LUC7L2: variants seen among roughly 807,000 people sequenced by gnomAD.
LUC7L2 encodes putative RNA-binding protein Luc7-like 2.
In LUC7L2, 25 loss-of-function variants were observed where a neutral mutation model predicts 52.8. The ratio of observed to expected loss-of-function variants is 0.47; its 90% CI spans 0.34 to 0.66. LUC7L2 has a LOEUF of 0.66. Among genes scored for constraint, LUC7L2 ranks in the 30% least tolerant of loss-of-function variants. The pLI is 0.01. For missense variants in LUC7L2, 328 were observed against 497.8 expected (o/e 0.66, Z 3.25); for synonymous variants, 144 against 160.9 (o/e 0.89, Z 0.80).
chr7:139,356,210 T>A (rs1285628622), upstream of LUC7L2, among the ~76,000 whole-genome samples: 2 of 149,150 alleles, frequency 1.3e-5, no homozygotes, highest in African/African-American at 4.9e-5. Flanking sequence ...CTTGAGAGGC[T>A]GAGGTGGGAG....
chr7:139,398,097 G>A (rs1001635857), intron 2 of LUC7L2, among the ~76,000 whole-genome samples: 2 of 152,148 alleles, frequency 1.3e-5, no homozygotes, highest in African/African-American at 4.8e-5. Flanking sequence ...GGGCTCAAGC[G>A]ATCCTCCTGC....
chr7:139,383,816 C>T (rs532884485), intron 2 of LUC7L2, among the ~76,000 whole-genome samples: 1 of 149,670 alleles, frequency 6.7e-6, no homozygotes. Context: ...TCACTGCAAC[C>T]TCCGCCTCCT....
In LUC7L2 at chr7:139,360,221, C is replaced by T. The variant is rs1270104292; in HGVS notation, c.-41C>T. The T allele has an allele frequency of 6.6e-7, 1 of 1,506,466 alleles. No homozygotes were observed. Among genetic ancestry groups the T allele is most frequent in the Admixed American group, 2.0e-5 (1 of 50,654 alleles). The allele number at this position is 1,506,466 out of a possible 1,614,324, so 93.3% of individuals were successfully genotyped here. On this transcript the variant is annotated 5_prime_UTR_variant, in exon 1 of 10. Coordinates refer to ENST00000354926, the MANE Select transcript of LUC7L2 (RefSeq NM_016019.5). Reference sequence around the variant, plus strand: ...ATCCCCCAGCCCAAAAGGGCCCGGTCTGCGCCCCACCCCCGCCCGTCCGCC... The same window carrying T: ...ATCCCCCAGCCCAAAAGGGCCCGGTTTGCGCCCCACCCCCGCCCGTCCGCC...
chr7:139,402,012 A>T, intron 3 of LUC7L2, 125 bp from the exon 4 acceptor site: 1 of 1,000,564 alleles, frequency 1.0e-6, no homozygotes, highest in Non-Finnish European at 1.4e-6. Context: ...GTGCTCAATT[A>T]CTGACGTGAG....
intron 1 of LUC7L2, among the ~76,000 whole-genome samples, chr7:139,353,390 T>C (rs1229548571): frequency 6.6e-6 from 1 of 152,216 alleles, no homozygotes; most frequent in Non-Finnish European, 1.5e-5. Context: ...AATTACCTAG[T>C]TTTAAATGTA....
intron 1 of LUC7L2, among the ~76,000 whole-genome samples, chr7:139,341,894 C>CTT (rs1799000000): frequency 1.3e-5 from 2 of 152,160 alleles, no homozygotes; most frequent in African/African-American, 4.8e-5. Flanking sequence ...TGTACTGTTG[C>CTT]TAGACTTAAA....
At chr7:139,368,737 CAA>C (rs779546165) in intron 1 of LUC7L2, among the ~76,000 whole-genome samples, 13 of 110,586 alleles carry the variant, frequency 1.2e-4, no homozygotes, top group East Asian at 2.5e-4. Flanking sequence ...GACACCGTCT[CAA>C]AAAAAAAAAA....
chr7:139,419,519 A>G (rs1471642975), intron 9 of LUC7L2, among the ~76,000 whole-genome samples: 1 of 152,226 alleles, frequency 6.6e-6, no homozygotes, highest in African/African-American at 2.4e-5. Context: ...TACCTGTCTT[A>G]TCTGCACAAT....
intron 7 of LUC7L2, among the ~76,000 whole-genome samples, chr7:139,411,614 A>G (rs1387017493): frequency 2.6e-5 from 4 of 152,104 alleles, no homozygotes; most frequent in Non-Finnish European, 5.9e-5. Flanking sequence ...CAACAATGCT[A>G]TATATCATCC....
In LUC7L2 at chr7:139,422,143, C is replaced by G; in HGVS notation, c.1002-20C>G. ...TTGGGTTTCCCAACATATTTTGCTC[C>G]TCAAATTAATATTTTTCAGATCCTC... On this transcript the variant is annotated intron_variant, in intron 9 of 9. Coordinates refer to ENST00000354926, the MANE Select transcript of LUC7L2 (RefSeq NM_016019.5). 6.3e-7 allele frequency: 1 copy of G among 1,580,566 alleles called. No individual in the cohort carries two copies. Among genetic ancestry groups the G allele is most frequent in the Non-Finnish European group, 8.6e-7 (1 of 1,168,340 alleles).
intron 9 of LUC7L2, among the ~76,000 whole-genome samples, chr7:139,418,755 G>A (rs1795742303): frequency 6.6e-6 from 1 of 152,124 alleles, no homozygotes; most frequent in Non-Finnish European, 1.5e-5. Context: ...ATGTTTTACT[G>A]TACTAGACTT....
At chr7:139,344,869 A>AT (rs11421635) in intron 1 of LUC7L2, 50,492 of 132,658 alleles carry the variant, frequency 0.38, 12,971 homozygotes, top group African/African-American at 0.75. Context: ...CACCCGGCTA[A>AT]TTTTTTTTTT....
At chr7:139,402,858 G>A (rs547681891) in intron 4 of LUC7L2, among the ~76,000 whole-genome samples, 1 of 152,252 alleles carries the variant, frequency 6.6e-6, no homozygotes, top group South Asian at 2.1e-4. Flanking sequence ...TGTAATTACA[G>A]CCACAGTTAG....
At chr7:139,375,456 G>C in intron 1 of LUC7L2, 2 of 985,396 alleles carry the variant, frequency 2.0e-6, no homozygotes, top group Non-Finnish European at 2.4e-6. Context: ...CCTTCTTCCA[G>C]GTTTGTACGC....
At chr7:139,358,395 A>T (rs955734900), upstream of LUC7L2, among the ~76,000 whole-genome samples, 1 of 152,250 alleles carries the variant, frequency 6.6e-6, no homozygotes, top group South Asian at 2.1e-4. Context: ...GGCGATGAGT[A>T]TACAGTGTTA....
chr7:139,361,203 C>G (rs1799864104), intron 1 of LUC7L2, among the ~76,000 whole-genome samples: 1 of 152,204 alleles, frequency 6.6e-6, no homozygotes, highest in Non-Finnish European at 1.5e-5. Flanking sequence ...GTAATGTACT[C>G]TCAAATTCAA....
chr7:139,388,998 A>G (rs1794316656), intron 2 of LUC7L2, among the ~76,000 whole-genome samples: 1 of 152,028 alleles, frequency 6.6e-6, no homozygotes. Context: ...CCATATTTGT[A>G]AGAAGGTGTG....
chr7:139,418,465 T>C (rs1795729616), intron 9 of LUC7L2, among the ~76,000 whole-genome samples: 1 of 152,210 alleles, frequency 6.6e-6, no homozygotes, highest in Non-Finnish European at 1.5e-5. Flanking sequence ...TAAAATTGCT[T>C]TTTTCTTGAC....
rs144479935 is a variant in LUC7L2, at chr7:139,390,778, G to T, written c.157-7821G>T. 1.7e-3 allele frequency among the ~76,000 whole-genome samples: 265 copies of T among 151,484 alleles called. 3 individuals are homozygous for T. The highest frequency in any genetic ancestry group is 6.3e-3 in the African/African-American group (258 of 41,164). On this transcript the variant is annotated intron_variant, in intron 2 of 9. Transcript: ENST00000354926. ...TCACCGTGTTAGCCAGGATGGTCTCGATCTCCTGACCTCGTGATTCGCCCG... is the reference window on the plus strand; with the variant it reads ...TCACCGTGTTAGCCAGGATGGTCTCTATCTCCTGACCTCGTGATTCGCCCG...
Sources: gnomAD v4.1 joint callset for allele counts (sites outside exome capture counted in the v4.1 genomes callset) on GRCh38, gnomAD v4.1.1 for gene constraint, MANE v1.5 for transcripts, NCBI Gene and HGNC (gene_info 2026-07-23, HGNC 2026-07-21) for gene names.